Variants in GRK5 observed in about 807,000 individuals in gnomAD.
GRK5 encodes g protein-coupled receptor kinase GRK5.
Under a neutral mutation model 78.4 loss-of-function variants are expected in GRK5, and 40 were observed. The observed-to-expected ratio is 0.51, with a 90% CI of 0.40 to 0.66. The LOEUF (loss-of-function observed/expected upper bound fraction) is 0.66. GRK5 is among the 30% of genes least tolerant of loss of function. GRK5 has a pLI of 0.00. For missense variants in GRK5, 598 were observed against 759.9 expected (o/e 0.79, Z 2.50); for synonymous variants, 289 against 296.8 (o/e 0.97, Z 0.27).
chr10:119,305,509 A>G (rs754364733), intron 1 of GRK5, among the ~76,000 whole-genome samples: 20 of 152,246 alleles, frequency 1.3e-4, no homozygotes, highest in Non-Finnish European at 2.5e-4. Flanking sequence ...TTTGCTGACA[A>G]ATTTTGATAG....
At position 119,452,160 on chromosome 10, in the gene GRK5, C is replaced by T. The variant is rs1853300165; in HGVS notation, c.1405-511C>T. ...CGGGCGCCAGGCTCGGTGGCCAGCA[C>T]TGACAGCAGCCCCATCGCCCAGGTG... is the stretch of plus-strand genomic sequence containing the variant. On this transcript the variant is annotated intron_variant, in intron 13 of 15. Transcript: ENST00000392870. This position sits in a 1 kb window ranked among gnomAD's most constrained non-coding sequence, Gnocchi z 4.4. 6.6e-6 allele frequency among the ~76,000 whole-genome samples: 1 copy of T among 152,214 alleles called. No individual in the cohort carries two copies. The highest frequency in any genetic ancestry group is 6.5e-5 in the Admixed American group (1 of 15,284).
rs921457714 is a variant in GRK5 at position 119,395,053 on chromosome 10, G to A, written c.262-1642G>A. On this transcript the variant is annotated intron_variant, in intron 3 of 15. Coordinates refer to ENST00000392870, the MANE Select transcript of GRK5 (RefSeq NM_005308.3). ...CTCTGGGGAGAGGCTCTGCCCACGC[G>A]GCGCAGTGGGAATCCAGAGGCCAGC... Among the ~76,000 whole-genome samples the A allele has an allele frequency of 6.9e-5, 10 of 144,520 alleles. 1 individual carries two copies. Among genetic ancestry groups the A allele is most frequent in the Non-Finnish European group, 1.2e-4 (8 of 66,746 alleles). The allele number at this position is 144,520 out of a possible 152,430, so 94.8% of individuals were successfully genotyped here. A position where few individuals can be genotyped will look rare whatever the true frequency, so the allele number is the denominator to read the frequency against.
chr10:119,399,326 G>A (rs1263260485), intron 4 of GRK5, among the ~76,000 whole-genome samples: 1 of 152,218 alleles, frequency 6.6e-6, no homozygotes. Flanking sequence ...TTGCTCTGGA[G>A]CCTCATTTAC....
At position 119,271,156 on chromosome 10, in the gene GRK5, C is replaced by T. The variant is rs7090417; in HGVS notation, c.53-55360C>T. 2.0e-4 allele frequency among the ~76,000 whole-genome samples: 30 copies of T among 152,090 alleles called. No homozygotes were observed. The highest frequency in any genetic ancestry group is 5.8e-4 in the African/African-American group (24 of 41,466). ...CCAGGACCTGGGGTGGCGCCGGCGC[C>T]GTTAGGGAGGGAGTGTTCACCGGAA... On this transcript the variant is annotated intron_variant, in intron 1 of 15. Coordinates refer to ENST00000392870, the MANE Select transcript of GRK5 (RefSeq NM_005308.3). The surrounding 1 kb of genome is among the most constrained non-coding windows in gnomAD (Gnocchi z 4.1).
rs1849623232 is a variant in GRK5, at chr10:119,273,760, T to A, written c.53-52756T>A. ...ATTTCTTGTTGAGATTTTTGCACAGTCTCCTTCCCTCAATCCTATGTGTTC... is the reference window on the plus strand; with the variant it reads ...ATTTCTTGTTGAGATTTTTGCACAGACTCCTTCCCTCAATCCTATGTGTTC... On this transcript the variant is annotated intron_variant, in intron 1 of 15. Coordinates refer to ENST00000392870, the MANE Select transcript of GRK5 (RefSeq NM_005308.3). Among the ~76,000 whole-genome samples, 3 of 152,094 alleles carry A rather than the reference T, an allele frequency of 2.0e-5. No individual in the cohort carries two copies. In the South Asian group the frequency reaches 6.2e-4, roughly 32 times the overall value.
intron 2 of GRK5, chr10:119,333,352 C>T: frequency 5.4e-6 from 1 of 186,764 alleles, no homozygotes. Flanking sequence ...AGTCTCACAG[C>T]CACTAAGTGG....
At chr10:119,395,814 G>C (rs76475703) in intron 3 of GRK5, among the ~76,000 whole-genome samples, 1,713 of 152,186 alleles carry the variant, frequency 0.011, 28 homozygotes, top group African/African-American at 0.04. Context: ...GAAGCCCTGC[G>C]CTTGGAGGTT....
At chr10:119,209,487 GTTTTTT>G (rs60169912) in intron 1 of GRK5, among the ~76,000 whole-genome samples, 5 of 98,908 alleles carry the variant, frequency 5.1e-5, no homozygotes, top group South Asian at 4.3e-4. Flanking sequence ...TGTGTGTGTG[GTTTTTT>G]TTTTTTTTTT....
intron 2 of GRK5, among the ~76,000 whole-genome samples, chr10:119,345,056 C>G (rs1253795564): frequency 6.6e-6 from 1 of 151,958 alleles, no homozygotes; most frequent in East Asian, 1.9e-4. Flanking sequence ...GCAACCTCCA[C>G]CTCCTGGGTT....
At chr10:119,224,705 C>T (rs1013866381) in intron 1 of GRK5, among the ~76,000 whole-genome samples, 3 of 152,170 alleles carry the variant, frequency 2.0e-5, no homozygotes, top group African/African-American at 7.2e-5. Flanking sequence ...TGAGCCACTG[C>T]GCCCAGCCTA....
rs1158379424 is a variant in GRK5 at position 119,269,832 on chromosome 10, TA to T, written c.53-56661del. On this transcript the variant is annotated intron_variant, in intron 1 of 15. Transcript: ENST00000392870. The stretch of plus-strand genomic sequence containing the variant: ...TGCAAGATGGAGTGAGACTCCATCT[TA>T]AAAAAAAAAAAAAAAAAAAAAAGTT... Among the ~76,000 whole-genome samples the T allele has an allele frequency of 2.7e-3, 256 of 96,130 alleles. 1 individual carries two copies. The highest frequency in any genetic ancestry group is 5.7e-3 in the African/African-American group (142 of 25,068). The allele number at this position is 96,130 out of a possible 152,430, so 63.1% of individuals were successfully genotyped here.
intron 1 of GRK5, among the ~76,000 whole-genome samples, chr10:119,294,507 A>G (rs1850044497): frequency 6.6e-6 from 1 of 152,080 alleles, no homozygotes; most frequent in Non-Finnish European, 1.5e-5. Flanking sequence ...TTCTCTCCAA[A>G]TGCTCTTGTT....
chr10:119,320,854 C>T (rs1158667489), intron 1 of GRK5, among the ~76,000 whole-genome samples: 2 of 152,202 alleles, frequency 1.3e-5, no homozygotes, highest in Non-Finnish European at 2.9e-5. Context: ...GGTGATGGCC[C>T]CAGCCCCTTG....
chr10:119,452,933 A>G lies in GRK5; in HGVS notation c.1542+125A>G. ...CGCATGGTTTCTGTTTTCTCCATGAAGGCAGCACACAAAAGCTGTCAGTGG... is the reference window on the plus strand; with the variant it reads ...CGCATGGTTTCTGTTTTCTCCATGAGGGCAGCACACAAAAGCTGTCAGTGG... On this transcript the variant is annotated intron_variant, in intron 14 of 15. Transcript: ENST00000392870. The surrounding 1 kb of genome is among the most constrained non-coding windows in gnomAD (Gnocchi z 4.4). 8.2e-7 allele frequency: 1 copy of G among 1,213,616 alleles called. No homozygotes were observed. The highest frequency in any genetic ancestry group is 1.2e-6 in the Non-Finnish European group (1 of 846,880). 75.2% of individuals were successfully genotyped at this position (1,213,616 alleles called of 1,614,324 possible).
chr10:119,430,507 T>G lies in GRK5; in HGVS notation c.597+69T>G. 1 of 1,482,498 alleles carries G rather than the reference T, an allele frequency of 6.7e-7. No individual in the cohort carries two copies. The highest frequency in any genetic ancestry group is 9.4e-7 in the Non-Finnish European group (1 of 1,068,944). 91.8% of individuals were successfully genotyped at this position (1,482,498 alleles called of 1,614,324 possible). Reference sequence around the variant, plus strand: ...AGTCACCTTTCCTGTCCCTTCTAAATCAACCTAAAGGGTTGGCCCACGGGT... The same window carrying G: ...AGTCACCTTTCCTGTCCCTTCTAAAGCAACCTAAAGGGTTGGCCCACGGGT... On this transcript the variant is annotated intron_variant, in intron 7 of 15. Coordinates refer to ENST00000392870, the MANE Select transcript of GRK5 (RefSeq NM_005308.3). The surrounding 1 kb of genome is among the most constrained non-coding windows in gnomAD (Gnocchi z 4.5).
chr10:119,371,366 C>A (rs1851544006), intron 2 of GRK5, among the ~76,000 whole-genome samples: 3 of 152,274 alleles, frequency 2.0e-5, no homozygotes, highest in Admixed American at 2.0e-4. Flanking sequence ...TGGTTGCCCT[C>A]CAAGAGTCCA....
At chr10:119,443,299 T>C (rs769802792) in intron 11 of GRK5, among the ~76,000 whole-genome samples, 4 of 152,204 alleles carry the variant, frequency 2.6e-5, no homozygotes, top group African/African-American at 4.8e-5. Context: ...GCTCATGTTC[T>C]AGGCGAGGGG....
intron 1 of GRK5, among the ~76,000 whole-genome samples, chr10:119,255,830 CT>C (rs1849275083): frequency 6.6e-6 from 1 of 152,148 alleles, no homozygotes; most frequent in South Asian, 2.1e-4. Flanking sequence ...CAAGGCCTGG[CT>C]TTGCCCTCGA....
At chr10:119,311,345 GGAAGCAATGAGC>G (rs1850356242) in intron 1 of GRK5, among the ~76,000 whole-genome samples, 1 of 152,152 alleles carries the variant, frequency 6.6e-6, no homozygotes, top group Non-Finnish European at 1.5e-5. Context: ...GAGCCTGGCA[GGAAGCAATGAGC>G]AGAATAACTC....
Sources: gnomAD v4.1 joint callset for allele counts (sites outside exome capture counted in the v4.1 genomes callset) on GRCh38, gnomAD v4.1.1 for gene constraint, Gnocchi (gnomAD v3.1) non-coding constraint, MANE v1.5 for transcripts, NCBI Gene and HGNC (gene_info 2026-07-23, HGNC 2026-07-21) for gene names.